The following SLC26A4 variants were observed in gnomAD, a reference collection of about 807,000 sequenced individuals.
SLC26A4 encodes the protein solute carrier family 26 member 4.
SLC26A4 carries 93 observed loss-of-function variants against 90.4 expected under a neutral mutation model. The ratio of observed to expected loss-of-function variants is 1.03; its 90% confidence interval spans 0.87 to 1.22. The LOEUF (loss-of-function observed/expected upper bound fraction) is 1.22, where lower values mean the gene tolerates loss of function less well. Among genes scored for constraint, SLC26A4 ranks in the 50% most tolerant of loss-of-function variants. The pLI, the probability that SLC26A4 is intolerant of heterozygous loss-of-function variation, is 0.00. For missense variants in SLC26A4, 1,127 were observed against 946.2 expected (o/e 1.19, Z -2.51); for synonymous variants, 393 against 354.6 (o/e 1.11, Z -1.22).
chr7:107,702,082 T>C (rs1179325892), intron 17 of SLC26A4, 25 bp downstream of exon 17: 1 of 1,467,430 alleles, frequency 6.8e-7, no homozygotes, highest in Non-Finnish European at 9.6e-7. Context: ...TTCTGAATTA[T>C]ACATTTGGAG....
At position 107,715,437 on chromosome 7, in the gene SLC26A4, T is replaced by G. The variant is rs1432427878; in HGVS notation, c.2334T>G (p.Leu778=). The G allele has an allele frequency of 5.6e-6, 9 of 1,613,376 alleles. No individual in the cohort carries two copies. Among genetic ancestry groups the G allele is most frequent in the African/African-American group, 2.7e-5 (2 of 74,888 alleles). The change falls in exon 21 of 21, where the codon CTT becomes CTG. Residue 778 remains leucine, a synonymous_variant. Transcript: ENST00000644269. ...TGCTTCCACAGGCTATGCGTACACT[T>G]GCATCCTGAAAGTGGGTTCGGGAGG... is the stretch of plus-strand genomic sequence containing the variant. ...LDVQDEAMRT[L]AS is the part of the protein sequence containing the mutation.
At chr7:107,684,362 A>T (rs1791337283) in intron 8 of SLC26A4, among the ~76,000 whole-genome samples, 2 of 152,300 alleles carry the variant, frequency 1.3e-5, no homozygotes, top group South Asian at 4.1e-4. Context: ...CTACCAGGAA[A>T]GGGAGTGGAG....
Position 107,661,494 on chromosome 7 carries a change from G to T in SLC26A4, c.-3-145G>T, listed in dbSNP as rs1182805813. ...GGGGCGCTTGTCGCGAGCGCCGAGG[G>T]CTGCAGGACGCGGACCAGACTCGCG... is the stretch of plus-strand genomic sequence containing the variant. On this transcript the variant is annotated intron_variant, in intron 1 of 20. Coordinates refer to ENST00000644269, the MANE Select transcript of SLC26A4 (RefSeq NM_000441.2). This position sits in a 1 kb window ranked among gnomAD's most constrained non-coding sequence, Gnocchi z 5.1. 2 of 927,712 alleles carry T rather than the reference G, an allele frequency of 2.2e-6. No homozygotes were observed. Among genetic ancestry groups the T allele is most frequent in the Non-Finnish European group, 3.3e-6 (2 of 608,600 alleles). The allele number at this position is 927,712 out of a possible 1,614,324, so 57.5% of individuals were successfully genotyped here. A position where few individuals can be genotyped will look rare whatever the true frequency, so the allele number is the denominator to read the frequency against.
In SLC26A4 at chr7:107,674,150, C is replaced by CT. The variant is rs765579453; in HGVS notation, c.416-7dup. 2.5e-6 allele frequency: 4 copies of CT among 1,613,218 alleles called. No homozygotes were observed. The South Asian group carries it at 3.3e-5, about 13-fold the overall frequency. ...TTAATAACTGATTAATTGTTAGAGACTTTTTTTCCCCAGGACCTTTTCCAG... is the reference window on the plus strand; with the variant it reads ...TTAATAACTGATTAATTGTTAGAGACTTTTTTTTCCCCAGGACCTTTTCCAG... On this transcript the variant is annotated splice_polypyrimidine_tract_variant and intron_variant, in intron 4 of 20. Coordinates refer to ENST00000644269, the MANE Select transcript of SLC26A4 (RefSeq NM_000441.2).
At chr7:107,680,018 A>T (rs1431713749) in intron 6 of SLC26A4, among the ~76,000 whole-genome samples, 14 of 132,902 alleles carry the variant, frequency 1.1e-4, no homozygotes, top group African/African-American at 2.3e-4. Context: ...TATATAATAT[A>T]ATCTTATTAT....
At chr7:107,671,059 T>C (rs1296220768) in intron 3 of SLC26A4, among the ~76,000 whole-genome samples, 1 of 152,182 alleles carries the variant, frequency 6.6e-6, no homozygotes, top group Non-Finnish European at 1.5e-5. Context: ...GAAAGGGCAG[T>C]GTAACAATGA....
At chr7:107,693,694 G>A (rs778066041) in intron 10 of SLC26A4, 7 of 990,712 alleles carry the variant, frequency 7.1e-6, no homozygotes, top group Non-Finnish European at 8.4e-6. Flanking sequence ...TTTTGCCAGC[G>A]AAGGTAAAGT....
chr7:107,713,250 C>G (rs1347951453), intron 20 of SLC26A4, among the ~76,000 whole-genome samples: 1 of 152,148 alleles, frequency 6.6e-6, no homozygotes, highest in Non-Finnish European at 1.5e-5. Flanking sequence ...ACATTCTAGC[C>G]CATGCAGAAA....
At chr7:107,671,379 C>G (rs989805263) in intron 3 of SLC26A4, among the ~76,000 whole-genome samples, 1 of 152,146 alleles carries the variant, frequency 6.6e-6, no homozygotes, top group Non-Finnish European at 1.5e-5. Context: ...AGGCTGGTCT[C>G]AAACTCCTGG....
chr7:107,684,278 T>C (rs1351135493), intron 8 of SLC26A4, among the ~76,000 whole-genome samples: 1 of 152,186 alleles, frequency 6.6e-6, no homozygotes, highest in Admixed American at 6.5e-5. Context: ...ACTCATAACA[T>C]TTAAGACTAG....
rs1235053422 is a variant in SLC26A4, at chr7:107,675,129, C to G, written c.765+20C>G. ...ATCTATGTAAGTGTTGCTTCTTGCT[C>G]CAGGGATGGGTCACTGTTCATTCCA... is the stretch of plus-strand genomic sequence containing the variant. On this transcript the variant is annotated intron_variant, in intron 6 of 20. Coordinates refer to ENST00000644269, the MANE Select transcript of SLC26A4 (RefSeq NM_000441.2). 6.2e-7 allele frequency: 1 copy of G among 1,610,426 alleles called. No individual in the cohort carries two copies. The highest frequency in any genetic ancestry group is 1.3e-5 in the African/African-American group (1 of 74,788).
chr7:107,668,999 A>C (rs925386460), intron 3 of SLC26A4, among the ~76,000 whole-genome samples: 2 of 152,056 alleles, frequency 1.3e-5, no homozygotes, highest in African/African-American at 4.8e-5. Context: ...TCTTTCTCAC[A>C]CAGGCTGGAG....
chr7:107,667,758 T>A (rs1272235250), intron 3 of SLC26A4, among the ~76,000 whole-genome samples: 1 of 149,682 alleles, frequency 6.7e-6, no homozygotes, highest in Admixed American at 6.7e-5. Context: ...CGTGGAGGGG[T>A]TTGAGAATGG....
intron 20 of SLC26A4, 52 bp from the exon 21 acceptor site, chr7:107,715,370 AC>A: frequency 6.9e-7 from 1 of 1,440,714 alleles, no homozygotes; most frequent in Non-Finnish European, 9.8e-7. Context: ...GATAATGCAG[AC>A]TTAAGGAGAA....
chr7:107,674,165 A>C lies in SLC26A4; in HGVS notation c.417A>C (p.Gly139=), dbSNP rs777915767. Residue 139 remains glycine, a splice_region_variant and synonymous_variant, in exon 5 of 21, where the codon GGA becomes GGC. Transcript: ENST00000644269. ...TTGTTAGAGACTTTTTTTCCCCAGG[A>C]CCTTTTCCAGTGGTGAGTTTAATGG... ...IFGTSRHISV[G]PFPVVSLMVG... is the part of the protein sequence containing the mutation. 3.7e-6 allele frequency: 6 copies of C among 1,613,906 alleles called. No homozygotes were observed. Among genetic ancestry groups the C allele is most frequent in the Non-Finnish European group, 2.5e-6 (3 of 1,179,898 alleles).
chr7:107,686,259 TCTTCCCTTCCTTCCCTCCCTTCCCTCC>T (rs1380993585), intron 8 of SLC26A4, among the ~76,000 whole-genome samples: 1 of 146,306 alleles, frequency 6.8e-6, no homozygotes, highest in Admixed American at 6.8e-5. Flanking sequence ...TCTCTTTCTT[TCTTCCCTTCCTTCCCTCCCTTCCCTCC>T]CTTTCCTACC....
At position 107,716,453 on chromosome 7, in the gene SLC26A4, A is replaced by G. The variant is rs1427152280; in HGVS notation, c.*1007A>G. 6.6e-6 allele frequency: 1 copy of G among 152,204 alleles called. No individual in the cohort carries two copies. The highest frequency in any genetic ancestry group is 2.4e-5 in the African/African-American group (1 of 41,462). 9.4% of individuals were successfully genotyped at this position (152,204 alleles called of 1,614,324 possible). On this transcript the variant is annotated 3_prime_UTR_variant, in exon 21 of 21. Coordinates refer to ENST00000644269, the MANE Select transcript of SLC26A4 (RefSeq NM_000441.2). Reference sequence around the variant, plus strand: ...TAAAAAAAAATCTAAAAATTGAACTACCTATAGTAGTCTGTGTTTAAAGTG... The same window carrying G: ...TAAAAAAAAATCTAAAAATTGAACTGCCTATAGTAGTCTGTGTTTAAAGTG...
intron 15 of SLC26A4, 91 bp from the exon 16 acceptor site, chr7:107,701,010 C>A: frequency 1.2e-6 from 1 of 813,278 alleles, no homozygotes; most frequent in East Asian, 2.5e-5. Flanking sequence ...AGGAATTATA[C>A]CCTTTGAGAA....
At chr7:107,663,652 G>C (rs1257342634) in intron 3 of SLC26A4, among the ~76,000 whole-genome samples, 1 of 152,074 alleles carries the variant, frequency 6.6e-6, no homozygotes, top group Non-Finnish European at 1.5e-5. Flanking sequence ...CCAATTTAGA[G>C]GCATATACTA....
Sources: gnomAD v4.1 joint callset for allele counts (sites outside exome capture counted in the v4.1 genomes callset) on GRCh38, gnomAD v4.1.1 for gene constraint, Gnocchi (gnomAD v3.1) non-coding constraint, MANE v1.5 for transcripts, NCBI Gene and HGNC (gene_info 2026-07-23, HGNC 2026-07-21) for gene names.